The following DLD variants were observed in gnomAD, a reference collection of about 807,000 sequenced individuals.
The protein encoded by DLD is dihydrolipoyl dehydrogenase, mitochondrial.
DLD carries 36 observed loss-of-function variants against 62.2 expected under a neutral mutation model. That is an observed-to-expected ratio of 0.58 (90% CI 0.44 to 0.76). The LOEUF is 0.76. Ranked by LOEUF, DLD falls within the 30% of genes least tolerant of loss-of-function variation. The probability of loss-of-function intolerance (pLI) is 0.00; values close to 1 mark genes in which losing one functional copy is unlikely to be tolerated. For synonymous variants in DLD, 204 were observed against 199.6 expected, an observed-to-expected ratio of 1.02 and a Z score of -0.19; for missense variants, 541 against 608.6, an observed-to-expected ratio of 0.89 and a Z score of 1.17.
intron 4 of DLD, among the ~76,000 whole-genome samples, chr7:107,903,167 G>A (rs531636112): frequency 1.1e-4 from 16 of 152,278 alleles, no homozygotes; most frequent in Admixed American, 2.0e-4. Flanking sequence ...GGGAGGCCGA[G>A]GCGGGTGGAT....
chr7:107,907,173 C>G (rs2032029151), intron 8 of DLD, among the ~76,000 whole-genome samples: 1 of 152,154 alleles, frequency 6.6e-6, no homozygotes, highest in African/African-American at 2.4e-5. Context: ...TCTCACTGTT[C>G]TGTCATATCT....
At chr7:107,908,104 A>C (rs897084397) in intron 8 of DLD, among the ~76,000 whole-genome samples, 5 of 151,284 alleles carry the variant, frequency 3.3e-5, no homozygotes, top group Non-Finnish European at 5.9e-5. Context: ...CATATTATGC[A>C]AGTTCCCCTT....
In DLD at chr7:107,915,624, A is replaced by T. The variant is rs2032249701; in HGVS notation, c.803A>T (p.Gln268Leu). 1 of 1,613,646 alleles carries T rather than the reference A, an allele frequency of 6.2e-7. No individual in the cohort carries two copies. The highest frequency in any genetic ancestry group is 8.5e-7 in the Non-Finnish European group (1 of 1,179,842). ...AACTTTCAACGCATCCTTCAAAAAC[A>T]GGGGTTTAAATTTAAATTGAATACA... ...SKNFQRILQK[Q>L]GFKFKLNTKV... The change falls in exon 9 of 14, where the codon CAG (glutamine) becomes CTG (leucine). Residue 268 changes from glutamine to leucine, a missense_variant. Physicochemically the swap from Gln to Leu is moderately radical, Grantham distance 113. Coordinates refer to ENST00000205402, the MANE Select transcript of DLD (RefSeq NM_000108.5).
intron 8 of DLD, among the ~76,000 whole-genome samples, chr7:107,908,844 T>G (rs2032071942): frequency 6.6e-6 from 1 of 152,166 alleles, no homozygotes; most frequent in African/African-American, 2.4e-5. Flanking sequence ...ATGGCTGACT[T>G]TCCTATAAGA....
At position 107,906,211 on chromosome 7, in the gene DLD, C is replaced by T. The variant is rs777659984; in HGVS notation, c.583-56C>T. On this transcript the variant is annotated intron_variant, in intron 7 of 13. Coordinates refer to ENST00000205402, the MANE Select transcript of DLD (RefSeq NM_000108.5). ...TTTGGAACCCATGGATATGGAGGGT[C>T]GACTGTACTAGGTTTTTTCAAATTA... The T allele has an allele frequency of 2.4e-4, 270 of 1,106,676 alleles. 1 individual carries two copies. The highest frequency in any genetic ancestry group is 3.1e-4 in the Non-Finnish European group (230 of 734,334). 68.6% of individuals were successfully genotyped at this position (1,106,676 alleles called of 1,614,324 possible).
At position 107,919,001 on chromosome 7, in the gene DLD, A is replaced by G; in HGVS notation, c.1375-9A>G. On this transcript the variant is annotated splice_polypyrimidine_tract_variant and intron_variant, in intron 12 of 13. Transcript: ENST00000205402. ...TGGAAGCAAATTTACTTGGCTTGTT[A>G]TTTTAAAGGGTGCTGGAGAAATGGT... is the stretch of plus-strand genomic sequence containing the variant. 6.2e-7 allele frequency: 1 copy of G among 1,613,320 alleles called. No homozygotes were observed.
chr7:107,908,312 G>A lies in DLD; in HGVS notation c.684+1944G>A, dbSNP rs547091194. Reference sequence around the variant, plus strand: ...ACTACAGGCGCCCGCCAGCACGCCCGGCTAATTTTTGTATTTTTAGTAGAG... The same window carrying A: ...ACTACAGGCGCCCGCCAGCACGCCCAGCTAATTTTTGTATTTTTAGTAGAG... On this transcript the variant is annotated intron_variant, in intron 8 of 13. Transcript: ENST00000205402. Among the ~76,000 whole-genome samples the A allele has an allele frequency of 9.2e-5, 14 of 151,542 alleles. No individual in the cohort carries two copies. The East Asian group carries it at 2.5e-3, about 27-fold the overall frequency.
intron 8 of DLD, among the ~76,000 whole-genome samples, chr7:107,906,638 C>T (rs1293925131): frequency 1.3e-5 from 2 of 152,136 alleles, no homozygotes; most frequent in African/African-American, 4.8e-5. Context: ...TTTAATATGA[C>T]AGCCATTCAG....
rs1344255641 is a variant in DLD, at chr7:107,905,477, A to G, written c.555A>G (p.Ser185=). ...AGAACATTCTTATAGCCACGGGTTC[A>G]GAAGTTACTCCTTTTCCTGGAATCA... is the stretch of plus-strand genomic sequence containing the variant. ...DTKNILIATG[S]EVTPFPGITI... The change falls in exon 7 of 14, where the codon TCA becomes TCG. Residue 185 remains serine (S), a synonymous_variant. Coordinates refer to ENST00000205402, the MANE Select transcript of DLD (RefSeq NM_000108.5). The G allele has an allele frequency of 6.2e-7, 1 of 1,613,754 alleles. No homozygotes were observed. The highest frequency in any genetic ancestry group is 1.7e-5 in the Admixed American group (1 of 59,994).
chr7:107,906,249 C>A lies in DLD; in HGVS notation c.583-18C>A. On this transcript the variant is annotated intron_variant, in intron 7 of 13. Coordinates refer to ENST00000205402, the MANE Select transcript of DLD (RefSeq NM_000108.5). Reference sequence around the variant, plus strand: ...TTTTTTCAAATTATTTTGATTATATCTTTTGTTTTTCTTACAGATAGATGA... The same window carrying A: ...TTTTTTCAAATTATTTTGATTATATATTTTGTTTTTCTTACAGATAGATGA... 6.9e-7 allele frequency: 1 copy of A among 1,457,586 alleles called. No individual in the cohort carries two copies. The highest frequency in any genetic ancestry group is 1.1e-5 in the South Asian group (1 of 87,694). The allele number at this position is 1,457,586 out of a possible 1,614,324, so 90.3% of individuals were successfully genotyped here.
In DLD at chr7:107,891,198, G is replaced by A; in HGVS notation, c.-53G>A. The A allele has an allele frequency of 7.5e-6, 12 of 1,610,050 alleles. No homozygotes were observed. Among genetic ancestry groups the A allele is most frequent in the Non-Finnish European group, 1.0e-5 (12 of 1,176,540 alleles). The stretch of plus-strand genomic sequence containing the variant: ...GAGGGGAGACCTTGGCGGAGCGGCG[G>A]AGGCGCCCAGCGGAGGTGAAAGTAT... On this transcript the variant is annotated 5_prime_UTR_variant, in exon 1 of 14. Transcript: ENST00000205402.
intron 2 of DLD, among the ~76,000 whole-genome samples, chr7:107,896,916 A>G (rs1230342579): frequency 2.0e-5 from 3 of 151,350 alleles, no homozygotes; most frequent in African/African-American, 4.9e-5. Context: ...GGCTCACTGC[A>G]ACTCCACCTC....
intron 8 of DLD, among the ~76,000 whole-genome samples, chr7:107,911,946 A>G (rs1391539786): frequency 6.6e-6 from 1 of 151,918 alleles, no homozygotes; most frequent in Admixed American, 6.6e-5. Context: ...GTATATTTGT[A>G]CTGATGAATC....
At chr7:107,894,367 C>T (rs1264579224) in intron 2 of DLD, among the ~76,000 whole-genome samples, 1 of 152,230 alleles carries the variant, frequency 6.6e-6, no homozygotes, top group African/African-American at 2.4e-5. Flanking sequence ...GTATCCTCAA[C>T]TGTTATCCAA....
chr7:107,908,755 T>C (rs1440539190), intron 8 of DLD, among the ~76,000 whole-genome samples: 1 of 152,178 alleles, frequency 6.6e-6, no homozygotes, highest in African/African-American at 2.4e-5. Context: ...CTCAAGTCTT[T>C]CATTTTTTGA....
At position 107,901,790 on chromosome 7, in the gene DLD, T is replaced by C; in HGVS notation, c.171T>C (p.Ala57=). 6.2e-7 allele frequency: 1 copy of C among 1,613,726 alleles called. No individual in the cohort carries two copies. Among genetic ancestry groups the C allele is most frequent in the Non-Finnish European group, 8.5e-7 (1 of 1,179,678 alleles). ...IGSGPGGYVA[A]IKAAQLGFKT... ...CTGGTCCTGGAGGATATGTTGCTGC[T>C]ATTAAAGCTGCCCAGTTAGGCTTCA... The change falls in exon 3 of 14, where the codon GCT becomes GCC. Residue 57 remains alanine (A), a synonymous_variant. Coordinates refer to ENST00000205402, the MANE Select transcript of DLD (RefSeq NM_000108.5).
chr7:107,897,165 G>A (rs573491089), intron 2 of DLD, among the ~76,000 whole-genome samples: 2 of 152,060 alleles, frequency 1.3e-5, no homozygotes, highest in Non-Finnish European at 2.9e-5. Context: ...ATTTTGACAT[G>A]TGCCTCTTTT....
chr7:107,892,329 A>T (rs138029481), intron 1 of DLD, among the ~76,000 whole-genome samples: 9 of 152,296 alleles, frequency 5.9e-5, no homozygotes, highest in Admixed American at 2.0e-4. Context: ...ACCAGAACGT[A>T]AGTACATTAC....
Position 107,891,241 on chromosome 7 carries a change from C to G in DLD, c.-10C>G. On this transcript the variant is annotated 5_prime_UTR_variant, in exon 1 of 14. Transcript: ENST00000205402. ...GAAAGTATTGGCGGAAAGGAAAATA[C>G]AGCGGAAAAATGCAGAGCTGGAGTC... 1 of 1,614,104 alleles carries G rather than the reference C, an allele frequency of 6.2e-7. No individual in the cohort carries two copies. The highest frequency in any genetic ancestry group is 8.5e-7 in the Non-Finnish European group (1 of 1,179,942).
Sources: allele counts gnomAD v4.1 joint callset (sites outside exome capture counted in the v4.1 genomes callset), GRCh38; gene constraint gnomAD v4.1.1; transcripts MANE v1.5; gene names NCBI Gene and HGNC (gene_info 2026-07-23, HGNC 2026-07-21).